The following SELP variants were observed in gnomAD, a reference collection of about 807,000 sequenced individuals.
The protein encoded by SELP is P-selectin.
SELP carries 92 observed loss-of-function variants against 104.1 expected under a neutral mutation model. The observed-to-expected ratio is 0.88, with a 90% CI of 0.75 to 1.05. The LOEUF (loss-of-function observed/expected upper bound fraction) is 1.05, where lower values mean the gene tolerates loss of function less well. Ranked by LOEUF, SELP falls within the 50% of genes least tolerant of loss-of-function variation. SELP has a pLI of 0.00. For missense variants in SELP, 1,022 were observed against 1,017.3 expected, an observed-to-expected ratio of 1.00 and a Z score of -0.06; for synonymous variants, 397 against 364.5, an observed-to-expected ratio of 1.09 and a Z score of -1.01.
chr1:169,614,196 A>G (rs1239798049), intron 3 of SELP, among the ~76,000 whole-genome samples: 2 of 152,240 alleles, frequency 1.3e-5, no homozygotes, highest in African/African-American at 4.8e-5. Flanking sequence ...GCACAGTGTT[A>G]GAGCCCAAAC....
chr1:169,612,499 A>T, intron 5 of SELP, 97 bp from the exon 6 acceptor site: 2 of 1,163,572 alleles, frequency 1.7e-6, no homozygotes, highest in Non-Finnish European at 2.5e-6. Context: ...ACCTTCCCAA[A>T]GTGGCAGGCA....
chr1:169,595,457 G>A (rs1661558516), intron 12 of SELP, among the ~76,000 whole-genome samples: 1 of 152,138 alleles, frequency 6.6e-6, no homozygotes, highest in Non-Finnish European at 1.5e-5. Flanking sequence ...TATGTTTTGT[G>A]GGGGATACAA....
In SELP at chr1:169,603,468, T is replaced by C. The variant is rs75976330; in HGVS notation, c.1520-257A>G. On this transcript the variant is annotated intron_variant, in intron 9 of 16. Coordinates refer to ENST00000263686, the MANE Select transcript of SELP (RefSeq NM_003005.4). ...AGCAGCTTACAGTTGATTGACATCCTGAAGTGCTCAATCACAAACAGCTTT... is the reference window on the plus strand; with the variant it reads ...AGCAGCTTACAGTTGATTGACATCCCGAAGTGCTCAATCACAAACAGCTTT... Among the ~76,000 whole-genome samples, 718 of 152,256 alleles carry C rather than the reference T, an allele frequency of 4.7e-3. 13 individuals carry two copies. The highest frequency in any genetic ancestry group is 0.017 in the African/African-American group (700 of 41,540).
In SELP at chr1:169,603,185, G is replaced by T. The variant is rs757026178; in HGVS notation, c.1546C>A (p.Pro516Thr). The change falls in exon 10 of 17, where the codon CCT becomes ACT. Residue 516 changes from proline (P) to threonine (T), a missense_variant. Physicochemically the swap from Pro to Thr is conservative, Grantham distance 38. Coordinates refer to ENST00000263686, the MANE Select transcript of SELP (RefSeq NM_003005.4). ...QAIPCTPLLS[P>T]QNGTMTCVQP... The stretch of plus-strand genomic sequence containing the variant: ...ACACAGGTCATTGTTCCATTCTGAG[G>T]GCTTAGCAAAGGTGTGCAGGGAATG... 2.5e-6 allele frequency: 4 copies of T among 1,613,718 alleles called. No individual in the cohort carries two copies. The highest frequency in any genetic ancestry group is 1.7e-6 in the Non-Finnish European group (2 of 1,179,726).
chr1:169,593,711 A>G lies in SELP; in HGVS notation c.2301T>C (p.Thr767=), dbSNP rs3917831. Residue 767 remains threonine, a synonymous_variant, in exon 14 of 17, where the codon ACT becomes ACC. Transcript: ENST00000263686. ...CAAAGTAAGTCAGGGCTTCCTGGAT[A>G]GTCAATGGTCCTGCTACAAAACAAA... The part of the protein sequence containing the change: ...TVPTCQAGPL[T]IQEALTYFGG... 2.2e-3 allele frequency: 3,483 copies of G among 1,613,510 alleles called. 57 individuals are homozygous for G. In the African/African-American group the frequency reaches 0.036, roughly 17 times the overall value.
At chr1:169,612,795 A>G (rs1662609752) in intron 5 of SELP, 134 bp downstream of exon 5, 1 of 685,530 alleles carries the variant, frequency 1.5e-6, no homozygotes, top group Non-Finnish European at 2.3e-6. Context: ...GACAGTTAAC[A>G]GTGATAACCA....
chr1:169,612,754 C>G (rs963468249), intron 5 of SELP, among the ~76,000 whole-genome samples, 175 bp downstream of exon 5: 2 of 152,060 alleles, frequency 1.3e-5, no homozygotes, highest in African/African-American at 4.8e-5. Context: ...AAAAAAATAC[C>G]ATGAAAATTG....
intron 7 of SELP, 138 bp downstream of exon 7, chr1:169,611,354 A>G (rs925213711): frequency 2.5e-6 from 2 of 793,158 alleles, no homozygotes; most frequent in African/African-American, 3.5e-5. Context: ...TGAGAAAACC[A>G]TGGTTCCTGG....
In SELP at chr1:169,627,899, T is replaced by G. The variant is rs373941897; in HGVS notation, c.3+2173A>C. 3.3e-5 allele frequency among the ~76,000 whole-genome samples: 5 copies of G among 152,138 alleles called. No individual in the cohort carries two copies. The South Asian group carries it at 6.2e-4, about 19-fold the overall frequency. Reference sequence around the variant, plus strand: ...TGCTCCTTAGCCCACTAAAACTTTTTTTTTGTTTTGTTTTTGAGACAAGTC... The same window carrying G: ...TGCTCCTTAGCCCACTAAAACTTTTGTTTTGTTTTGTTTTTGAGACAAGTC... On this transcript the variant is annotated intron_variant, in intron 1 of 16. Coordinates refer to ENST00000263686, the MANE Select transcript of SELP (RefSeq NM_003005.4).
At chr1:169,590,041 A>G in intron 16 of SELP, 106 bp downstream of exon 16, 2 of 754,548 alleles carry the variant, frequency 2.7e-6, no homozygotes, top group South Asian at 1.8e-5. Flanking sequence ...TTTAATACAT[A>G]CTTAAAATTT....
intron 10 of SELP, among the ~76,000 whole-genome samples, chr1:169,598,906 T>C (rs1341152461): frequency 6.6e-6 from 1 of 152,164 alleles, no homozygotes; most frequent in Non-Finnish European, 1.5e-5. Context: ...GGAATTACTG[T>C]TTTTAAAAAT....
Position 169,590,206 on chromosome 1 carries a change from A to G in SELP, c.2439-4T>C. On this transcript the variant is annotated splice_polypyrimidine_tract_variant and splice_region_variant and intron_variant, in intron 15 of 16. Coordinates refer to ENST00000263686, the MANE Select transcript of SELP (RefSeq NM_003005.4). ...AACTCCATATGTTCCTAGGTGGCTA[A>G]AGAACAGAAACACAAGGATGGCAAC... is the stretch of plus-strand genomic sequence containing the variant. The G allele has an allele frequency of 3.1e-6, 5 of 1,611,662 alleles. No homozygotes were observed. In the Middle Eastern group the frequency reaches 8.3e-4, roughly 266 times the overall value.
At chr1:169,600,866 G>T (rs1467950266) in intron 10 of SELP, among the ~76,000 whole-genome samples, 1 of 152,206 alleles carries the variant, frequency 6.6e-6, no homozygotes, top group Non-Finnish European at 1.5e-5. Context: ...AGTCAAGGTT[G>T]ATAATTCCAA....
At chr1:169,602,354 G>A (rs1020113209) in intron 10 of SELP, among the ~76,000 whole-genome samples, 7 of 152,196 alleles carry the variant, frequency 4.6e-5, no homozygotes, top group African/African-American at 1.7e-4. Flanking sequence ...CTGGGATTTA[G>A]TAATGCTCAG....
intron 3 of SELP, 61 bp downstream of exon 3, chr1:169,616,967 A>T (rs1031131220): frequency 1.1e-5 from 15 of 1,352,060 alleles, no homozygotes; most frequent in South Asian, 6.4e-5. Flanking sequence ...ATGTTGGCCA[A>T]CCAGAGAAGG....
At chr1:169,606,186 G>A (rs1662184159) in intron 9 of SELP, among the ~76,000 whole-genome samples, 1 of 152,156 alleles carries the variant, frequency 6.6e-6, no homozygotes, top group South Asian at 2.1e-4. Flanking sequence ...GTGCAGTGGT[G>A]GGCACCTGTA....
chr1:169,611,094 G>A (rs1027142343), intron 7 of SELP, among the ~76,000 whole-genome samples: 5 of 151,998 alleles, frequency 3.3e-5, no homozygotes, highest in African/African-American at 7.3e-5. Context: ...ACACTTTTTC[G>A]ATGCAGTGTT....
intron 9 of SELP, among the ~76,000 whole-genome samples, chr1:169,604,493 T>G (rs1232745406): frequency 2.0e-5 from 3 of 152,192 alleles, no homozygotes; most frequent in Non-Finnish European, 4.4e-5. Flanking sequence ...TTATTGCCAT[T>G]GCTTTTGGTG....
At chr1:169,609,821 C>A in intron 7 of SELP, 132 bp from the exon 8 acceptor site, 1 of 808,372 alleles carries the variant, frequency 1.2e-6, no homozygotes, top group Non-Finnish European at 1.9e-6. Flanking sequence ...CTCCATTTTC[C>A]AAAAGAGAGA....
Sources: allele counts gnomAD v4.1 joint callset (sites outside exome capture counted in the v4.1 genomes callset), GRCh38; gene constraint gnomAD v4.1.1; transcripts MANE v1.5; gene names NCBI Gene and HGNC (gene_info 2026-07-23, HGNC 2026-07-21).